The following ELP4 variants were observed in gnomAD, a reference collection of about 807,000 sequenced individuals.
ELP4 encodes elongator complex protein 4.
A neutral mutation model predicts 48.9 loss-of-function variants in ELP4; 51 were observed. The ratio of observed to expected loss-of-function variants is 1.04; its 90% CI spans 0.83 to 1.32. ELP4 has a LOEUF of 1.32. ELP4 is among the 40% of genes most tolerant of loss of function. The pLI is 0.00. For synonymous variants in ELP4, 210 were observed against 189.2 expected, an observed-to-expected ratio of 1.11 and a Z score of -0.90; for missense variants, 519 against 514.6, an observed-to-expected ratio of 1.01 and a Z score of -0.08.
chr11:31,659,975 G>A (rs1363315910), intron 9 of ELP4, among the ~76,000 whole-genome samples: 1 of 152,088 alleles, frequency 6.6e-6, no homozygotes, highest in Non-Finnish European at 1.5e-5. Context: ...CTGGGCAACA[G>A]TGCGAGACTC....
At chr11:31,657,190 G>C (rs1490446264) in intron 9 of ELP4, among the ~76,000 whole-genome samples, 1 of 151,974 alleles carries the variant, frequency 6.6e-6, no homozygotes, top group African/African-American at 2.4e-5. Context: ...AACATTTCAA[G>C]TTTAGTCCTG....
chr11:31,516,647 A>G (rs920056611), intron 1 of ELP4, among the ~76,000 whole-genome samples: 1 of 152,090 alleles, frequency 6.6e-6, no homozygotes, highest in African/African-American at 2.4e-5. Context: ...AGGTGGCAGC[A>G]CGCCTTGCTA....
chr11:31,544,930 G>A (rs1368675322), intron 3 of ELP4, among the ~76,000 whole-genome samples: 1 of 152,096 alleles, frequency 6.6e-6, no homozygotes, highest in Non-Finnish European at 1.5e-5. Context: ...CAACAGACAT[G>A]CAGCTGAGGG....
intron 9 of ELP4, among the ~76,000 whole-genome samples, chr11:31,764,365 A>G (rs1260190843): frequency 6.6e-6 from 1 of 152,190 alleles, no homozygotes; most frequent in East Asian, 1.9e-4. Context: ...TAACACTGTC[A>G]TGGAAAGTAA....
At chr11:31,738,592 C>T (rs899929160) in intron 9 of ELP4, among the ~76,000 whole-genome samples, 21 of 151,746 alleles carry the variant, frequency 1.4e-4, no homozygotes, top group Non-Finnish European at 2.9e-5. Context: ...AAAAGTTTGC[C>T]GAGCATGGTG....
intron 9 of ELP4, among the ~76,000 whole-genome samples, chr11:31,731,698 A>G (rs1283418853): frequency 1.3e-5 from 2 of 152,082 alleles, no homozygotes; most frequent in African/African-American, 4.8e-5. Context: ...GTATATCCAA[A>G]TTCAAGAAGC....
At chr11:31,549,224 C>T (rs1293003896) in intron 3 of ELP4, among the ~76,000 whole-genome samples, 12 of 151,324 alleles carry the variant, frequency 7.9e-5, no homozygotes, top group South Asian at 2.1e-4. Context: ...AGAAAATTTT[C>T]GCAACCTACT....
At chr11:31,683,173 A>G (rs556858606) in intron 9 of ELP4, among the ~76,000 whole-genome samples, 48 of 152,228 alleles carry the variant, frequency 3.2e-4, no homozygotes, top group Non-Finnish European at 5.3e-4. Flanking sequence ...GTATTTTTAG[A>G]ACAGCTTATT....
At chr11:31,547,070 A>G (rs1379347368) in intron 3 of ELP4, among the ~76,000 whole-genome samples, 2 of 152,226 alleles carry the variant, frequency 1.3e-5, no homozygotes, top group Non-Finnish European at 2.9e-5. Flanking sequence ...ATCACAATTA[A>G]AAGAACTAGA....
chr11:31,547,574 C>T (rs2133920856), intron 3 of ELP4, among the ~76,000 whole-genome samples: 1 of 152,208 alleles, frequency 6.6e-6, no homozygotes, highest in East Asian at 1.9e-4. Flanking sequence ...GGAACTGGTA[C>T]CATTCCTTCT....
intron 3 of ELP4, among the ~76,000 whole-genome samples, chr11:31,554,248 C>T (rs1007456293): frequency 1.3e-5 from 2 of 152,088 alleles, no homozygotes; most frequent in Non-Finnish European, 2.9e-5. Flanking sequence ...AGAAACCATC[C>T]GAGTCTGTGG....
chr11:31,740,385 C>G (rs1947418192), intron 9 of ELP4, among the ~76,000 whole-genome samples: 1 of 152,118 alleles, frequency 6.6e-6, no homozygotes. Context: ...AAGTCTACAC[C>G]CAATTGGCTT....
At chr11:31,529,798 C>T (rs1193163268) in intron 2 of ELP4, among the ~76,000 whole-genome samples, 1 of 152,002 alleles carries the variant, frequency 6.6e-6, no homozygotes, top group Non-Finnish European at 1.5e-5. Flanking sequence ...ATTAGTGGCC[C>T]CAAAAACACT....
At chr11:31,599,605 GT>G (rs1332642068) in intron 4 of ELP4, 1 of 151,978 alleles carries the variant, frequency 6.6e-6, no homozygotes, top group African/African-American at 2.4e-5. Flanking sequence ...TTGTCTCACA[GT>G]TTCACATACC....
rs577509584 is a variant in ELP4, at chr11:31,678,676, G to A, written c.1143+28455G>A. Among the ~76,000 whole-genome samples, 7 of 152,194 alleles carry A rather than the reference G, an allele frequency of 4.6e-5. No individual in the cohort carries two copies. In the East Asian group the frequency reaches 1.4e-3, roughly 29 times the overall value. On this transcript the variant is annotated intron_variant, in intron 9 of 9. Coordinates refer to ENST00000640961, the MANE Select transcript of ELP4 (RefSeq NM_019040.5). ...TCACTTACTAAAGAACATCTTGGTT[G>A]CTTCCAAGTTTTGGCAATTATGAAG... is the stretch of plus-strand genomic sequence containing the variant.
chr11:31,638,243 A>T (rs770192287), intron 7 of ELP4, among the ~76,000 whole-genome samples: 1 of 151,826 alleles, frequency 6.6e-6, no homozygotes, highest in Non-Finnish European at 1.5e-5. Flanking sequence ...ATATGTCAGT[A>T]TGTTTTTTTC....
At chr11:31,744,191 GGAA>G (rs1372382018) in intron 9 of ELP4, among the ~76,000 whole-genome samples, 1 of 152,106 alleles carries the variant, frequency 6.6e-6, no homozygotes, top group Admixed American at 6.5e-5. Flanking sequence ...GACTAAACCA[GGAA>G]GAAGTTGAAT....
chr11:31,744,313 A>C (rs1314574652), intron 9 of ELP4, among the ~76,000 whole-genome samples: 1 of 152,230 alleles, frequency 6.6e-6, no homozygotes, highest in South Asian at 2.1e-4. Context: ...TACCAGAGGT[A>C]CAAGGAGGAG....
intron 3 of ELP4, among the ~76,000 whole-genome samples, chr11:31,557,355 T>C (rs796626762): frequency 1.8e-4 from 28 of 152,104 alleles, no homozygotes; most frequent in African/African-American, 6.7e-4. Flanking sequence ...GTATCAAAGA[T>C]ATTAGTTGAT....
Sources: allele counts gnomAD v4.1 joint callset (sites outside exome capture counted in the v4.1 genomes callset), GRCh38; gene constraint gnomAD v4.1.1; transcripts MANE v1.5; gene names NCBI Gene and HGNC (gene_info 2026-07-23, HGNC 2026-07-21).